The following ASTN2 variants were observed in gnomAD, a reference collection of about 807,000 sequenced individuals.
ASTN2 encodes the protein astrotactin 2.
In ASTN2, 54 loss-of-function variants were observed where a neutral mutation model predicts 139.8. The observed-to-expected ratio is 0.39, with a 90% CI of 0.31 to 0.48. ASTN2 has a LOEUF of 0.48. Among genes scored for constraint, ASTN2 ranks in the 20% least tolerant of loss-of-function variants. The probability of loss-of-function intolerance (pLI) is 0.95; values close to 1 mark genes in which losing one functional copy is unlikely to be tolerated. For missense variants in ASTN2, 1,565 were observed against 1,725.1 expected, an observed-to-expected ratio of 0.91 and a Z score of 1.64; for synonymous variants, 756 against 719.5, an observed-to-expected ratio of 1.05 and a Z score of -0.81.
At chr9:116,514,338 T>G (rs1017715899) in intron 19 of ASTN2, among the ~76,000 whole-genome samples, 4 of 150,670 alleles carry the variant, frequency 2.7e-5, no homozygotes, top group Non-Finnish European at 5.9e-5. Flanking sequence ...CAGCAAATGT[T>G]GCGGCCTGAT....
chr9:116,774,225 T>G (rs942180636), intron 13 of ASTN2, among the ~76,000 whole-genome samples: 2 of 152,176 alleles, frequency 1.3e-5, no homozygotes, highest in Non-Finnish European at 2.9e-5. Context: ...CACCCTCATT[T>G]TCTCATTTGT....
At chr9:116,643,123 T>C (rs1243482511) in intron 17 of ASTN2, among the ~76,000 whole-genome samples, 1 of 152,208 alleles carries the variant, frequency 6.6e-6, no homozygotes, top group East Asian at 1.9e-4. Flanking sequence ...TCAAATGTGT[T>C]GTAGGGGGAC....
intron 20 of ASTN2, among the ~76,000 whole-genome samples, chr9:116,444,132 G>A (rs34430369): frequency 0.16 from 24,480 of 152,114 alleles, 2,325 homozygotes; most frequent in Middle Eastern, 0.24. Flanking sequence ...GGCTCAGAGA[G>A]GGGAAGCAGC....
chr9:117,036,544 C>T (rs1243904493), intron 6 of ASTN2, among the ~76,000 whole-genome samples: 1 of 152,074 alleles, frequency 6.6e-6, no homozygotes, highest in Non-Finnish European at 1.5e-5. Flanking sequence ...ACCTACACTC[C>T]AATCATCTCC....
chr9:116,984,013 A>C lies in ASTN2; in HGVS notation c.1592-7228T>G, dbSNP rs762112929. Among the ~76,000 whole-genome samples, 4 of 152,236 alleles carry C rather than the reference A, an allele frequency of 2.6e-5. No individual in the cohort carries two copies. In the East Asian group the frequency reaches 7.7e-4, roughly 29 times the overall value. ...AGCGTTATTTTGGCAAAAGTTTCTG[A>C]TGTACTTTAAACCTAGATGTCTACA... On this transcript the variant is annotated intron_variant, in intron 7 of 22. Coordinates refer to ENST00000313400, the MANE Select transcript of ASTN2 (RefSeq NM_001365068.1).
chr9:116,440,202 T>C (rs2118872295), intron 22 of ASTN2, among the ~76,000 whole-genome samples: 1 of 152,244 alleles, frequency 6.6e-6, no homozygotes, highest in South Asian at 2.1e-4. Context: ...CATAGCTATT[T>C]ACTGTAAAAA....
intron 1 of ASTN2, among the ~76,000 whole-genome samples, chr9:117,325,030 T>G (rs929038160): frequency 2.0e-5 from 3 of 152,144 alleles, no homozygotes; most frequent in Admixed American, 1.3e-4. Flanking sequence ...GTCTGGGACC[T>G]GGCATGCTGC....
intron 13 of ASTN2, among the ~76,000 whole-genome samples, chr9:116,744,271 A>G (rs1829176442): frequency 6.6e-6 from 1 of 152,180 alleles, no homozygotes; most frequent in Non-Finnish European, 1.5e-5. Flanking sequence ...AGCGAGTGAG[A>G]AGCAAGGATG....
intron 16 of ASTN2, among the ~76,000 whole-genome samples, chr9:116,682,566 C>T (rs1035056942): frequency 1.3e-5 from 2 of 152,180 alleles, no homozygotes; most frequent in African/African-American, 2.4e-5. Context: ...GCTATAAAGA[C>T]GCATTCACAC....
intron 6 of ASTN2, among the ~76,000 whole-genome samples, chr9:117,016,624 C>CATATATATAGGT: frequency 5.0e-5 from 1 of 20,016 alleles, no homozygotes; most frequent in South Asian, 1.3e-3. Flanking sequence ...ATCTATCTAT[C>CATATATATAGGT]TATATATATA....
At chr9:116,671,440 A>T (rs920589428) in intron 16 of ASTN2, among the ~76,000 whole-genome samples, 1 of 152,132 alleles carries the variant, frequency 6.6e-6, no homozygotes, top group Non-Finnish European at 1.5e-5. Context: ...AGCAAAAAGT[A>T]GAACTAAGTA....
At position 116,978,925 on chromosome 9, in the gene ASTN2, C is replaced by T. The variant is rs1481046386; in HGVS notation, c.1592-2140G>A. On this transcript the variant is annotated intron_variant, in intron 7 of 22. Transcript: ENST00000313400. ...TTTTCTCAACTTTATACAACTAAAA[C>T]AAAATATTGTAGTAAATAGAATACT... 2.0e-5 allele frequency among the ~76,000 whole-genome samples: 3 copies of T among 152,086 alleles called. No homozygotes were observed. The East Asian group carries it at 5.8e-4, about 29-fold the overall frequency.
intron 3 of ASTN2, among the ~76,000 whole-genome samples, chr9:117,192,905 T>A (rs193073746): frequency 2.0e-4 from 30 of 152,344 alleles, no homozygotes; most frequent in Non-Finnish European, 2.9e-5. Flanking sequence ...TATCATATAA[T>A]GTTTATGAAG....
chr9:117,331,325 C>T (rs1157614176), intron 1 of ASTN2, among the ~76,000 whole-genome samples: 1 of 152,112 alleles, frequency 6.6e-6, no homozygotes, highest in Non-Finnish European at 1.5e-5. Context: ...GGTCACTAAC[C>T]AATGCCCAGT....
chr9:116,641,673 G>A (rs775811332), intron 17 of ASTN2, among the ~76,000 whole-genome samples: 16 of 152,080 alleles, frequency 1.1e-4, no homozygotes, highest in Non-Finnish European at 1.9e-4. Flanking sequence ...ATGCAAAAAT[G>A]TTTGCATTTG....
At chr9:116,989,664 A>T (rs1424824716) in intron 7 of ASTN2, among the ~76,000 whole-genome samples, 4 of 150,414 alleles carry the variant, frequency 2.7e-5, no homozygotes, top group Non-Finnish European at 4.4e-5. Flanking sequence ...GCTCACTGCA[A>T]CCTCCACCTC....
intron 5 of ASTN2, among the ~76,000 whole-genome samples, chr9:117,075,405 G>A (rs567230619): frequency 6.6e-6 from 1 of 151,926 alleles, no homozygotes; most frequent in East Asian, 2.0e-4. Flanking sequence ...CCTCTCAGAT[G>A]GAAAGAAAGA....
intron 16 of ASTN2, among the ~76,000 whole-genome samples, chr9:116,663,108 C>T (rs1858658943): frequency 6.6e-6 from 1 of 152,196 alleles, no homozygotes; most frequent in African/African-American, 2.4e-5. Context: ...CTTCCTCCTC[C>T]TTCCAATCAC....
chr9:116,557,889 G>T (rs1852714280), intron 19 of ASTN2, among the ~76,000 whole-genome samples: 1 of 152,182 alleles, frequency 6.6e-6, no homozygotes, highest in South Asian at 2.1e-4. Flanking sequence ...GTTTTCAACA[G>T]CTCTGAACTT....
Sources: gnomAD v4.1 joint callset for allele counts (sites outside exome capture counted in the v4.1 genomes callset) on GRCh38, gnomAD v4.1.1 for gene constraint, MANE v1.5 for transcripts, NCBI Gene and HGNC (gene_info 2026-07-23, HGNC 2026-07-21) for gene names.